Variants in PPFIA1 observed in about 807,000 individuals in gnomAD.
PPFIA1 encodes PPFI scaffold protein A1, also known as liprin-alpha-1.
PPFIA1 carries 25 observed loss-of-function variants against 149.9 expected under a neutral mutation model. The observed-to-expected ratio is 0.17, with a 90% CI of 0.12 to 0.23. The LOEUF (loss-of-function observed/expected upper bound fraction) is 0.23, where lower values mean the gene tolerates loss of function less well. Ranked by LOEUF, PPFIA1 falls within the 10% of genes least tolerant of loss-of-function variation. PPFIA1 has a pLI of 1.00. For missense variants in PPFIA1, 1,362 were observed against 1,506.5 expected, an observed-to-expected ratio of 0.90 and a Z score of 1.59; for synonymous variants, 549 against 552.8, an observed-to-expected ratio of 0.99 and a Z score of 0.10.
At position 70,383,164 on chromosome 11, in the gene PPFIA1, T is replaced by C. The variant is rs1565476215; in HGVS notation, c.*174T>C. ...ATTAGTGAAAAATTCATGAATACCA[T>C]AGAGAAAATATTTTAGAATTTAATG... On this transcript the variant is annotated 3_prime_UTR_variant, in exon 28 of 28. Transcript: ENST00000253925. The C allele has an allele frequency of 2.6e-5, 9 of 348,198 alleles. No homozygotes were observed. Among genetic ancestry groups the C allele is most frequent in the South Asian group, 8.6e-5 (4 of 46,404 alleles). The allele number at this position is 348,198 out of a possible 1,614,324, so 21.6% of individuals were successfully genotyped here.
chr11:70,304,635 C>T (rs968948652), intron 2 of PPFIA1, among the ~76,000 whole-genome samples: 1 of 152,178 alleles, frequency 6.6e-6, no homozygotes. Context: ...TACTTGGCAC[C>T]TGCAAAGGAC....
At chr11:70,354,098 C>T in intron 16 of PPFIA1, 3 of 544,210 alleles carry the variant, frequency 5.5e-6, no homozygotes, top group Non-Finnish European at 6.4e-6. Flanking sequence ...AGCGCACGCT[C>T]GTGGGGAGGC....
intron 11 of PPFIA1, among the ~76,000 whole-genome samples, chr11:70,336,056 G>C (rs573507941): frequency 5.3e-5 from 8 of 152,284 alleles, no homozygotes; most frequent in Admixed American, 2.6e-4. Flanking sequence ...CATAAATAAC[G>C]TGTAAATGAA....
chr11:70,352,179 C>A (rs2056091811), intron 16 of PPFIA1, among the ~76,000 whole-genome samples: 1 of 152,166 alleles, frequency 6.6e-6, no homozygotes, highest in Non-Finnish European at 1.5e-5. Context: ...TTTAGTGAAA[C>A]TGCTTGGGTT....
At position 70,344,604 on chromosome 11, in the gene PPFIA1, A is replaced by T. The variant is rs1322239815; in HGVS notation, c.1931+712A>T. ...GTGTAGTGACGTTTAAAAGTGTAGA[A>T]CGTTTACCTTCTTACTTTGGTCTGT... On this transcript the variant is annotated intron_variant, in intron 15 of 27. Coordinates refer to ENST00000253925, the MANE Select transcript of PPFIA1 (RefSeq NM_003626.5). Among the ~76,000 whole-genome samples the T allele has an allele frequency of 2.6e-5, 4 of 152,152 alleles. No homozygotes were observed. The East Asian group carries it at 7.7e-4, about 29-fold the overall frequency.
At chr11:70,347,814 CA>C (rs199808736) in intron 15 of PPFIA1, among the ~76,000 whole-genome samples, 1,845 of 152,052 alleles carry the variant, frequency 0.012, 17 homozygotes, top group Middle Eastern at 0.044. Context: ...CCAGCCTGGC[CA>C]ACATGGTGAA....
intron 16 of PPFIA1, among the ~76,000 whole-genome samples, chr11:70,352,383 C>T (rs77227760): frequency 0.015 from 2,248 of 152,288 alleles, 52 homozygotes; most frequent in African/African-American, 0.052. Flanking sequence ...GTTCAGCTGA[C>T]TTCTGTTGGA....
chr11:70,298,259 G>A (rs929234223), intron 2 of PPFIA1, among the ~76,000 whole-genome samples: 4 of 152,190 alleles, frequency 2.6e-5, no homozygotes, highest in African/African-American at 9.7e-5. Flanking sequence ...TTGGTTGTGT[G>A]TAGTGGGGTG....
intron 2 of PPFIA1, among the ~76,000 whole-genome samples, chr11:70,281,899 A>G (rs2050780492): frequency 1.3e-5 from 2 of 152,294 alleles, no homozygotes; most frequent in East Asian, 1.9e-4. Context: ...CACCCCGCGT[A>G]TCACTGAAAC....
intron 15 of PPFIA1, among the ~76,000 whole-genome samples, chr11:70,347,932 G>A (rs1413431535): frequency 6.6e-6 from 1 of 152,178 alleles, no homozygotes; most frequent in Non-Finnish European, 1.5e-5. Context: ...GAACCCAGGA[G>A]GCAGAGGTTG....
intron 16 of PPFIA1, among the ~76,000 whole-genome samples, chr11:70,349,436 A>G (rs2055917292): frequency 6.6e-6 from 1 of 152,132 alleles, no homozygotes; most frequent in South Asian, 2.1e-4. Context: ...TAAGAGACCA[A>G]CCTGGGCAAC....
intron 2 of PPFIA1, among the ~76,000 whole-genome samples, chr11:70,295,915 A>C (rs1452984261): frequency 2.0e-5 from 3 of 146,472 alleles, no homozygotes; most frequent in African/African-American, 7.7e-5. Flanking sequence ...GGGTCTCCTC[A>C]CTTCTCAGAC....
intron 5 of PPFIA1, 133 bp from the exon 6 acceptor site, chr11:70,326,129 A>G (rs937895340): frequency 1.0e-5 from 6 of 580,798 alleles, no homozygotes; most frequent in Admixed American, 6.9e-5. Context: ...ATTGGGTAGC[A>G]TTGCCATATG....
At chr11:70,283,455 A>G (rs1170465382) in intron 2 of PPFIA1, among the ~76,000 whole-genome samples, 1 of 152,144 alleles carries the variant, frequency 6.6e-6, no homozygotes, top group African/African-American at 2.4e-5. Context: ...ATTCTAAGGA[A>G]TGAGGTCTTC....
chr11:70,333,513 T>A lies in PPFIA1; in HGVS notation c.1256T>A (p.Met419Lys), dbSNP rs1426569014. ...AACATTGAAGAAAGGTTACGACAGA[T>A]GGAAGCACAGTTGGAGGAGAAGAAT... ...HGNIEERLRQMEAQLEEKNQE... is the reference protein window; with the variant it reads ...HGNIEERLRQKEAQLEEKNQE... The change falls in exon 10 of 28, where the codon ATG becomes AAG. Residue 419 changes from methionine to lysine, a missense_variant. Physicochemically the swap from Met to Lys is moderately conservative, Grantham distance 95. Transcript: ENST00000253925. 1 of 1,613,436 alleles carries A rather than the reference T, an allele frequency of 6.2e-7. No individual in the cohort carries two copies. The highest frequency in any genetic ancestry group is 2.2e-5 in the East Asian group (1 of 44,884).
intron 16 of PPFIA1, among the ~76,000 whole-genome samples, chr11:70,353,784 GTTTA>G (rs2056204432): frequency 6.6e-6 from 1 of 152,092 alleles, no homozygotes; most frequent in Non-Finnish European, 1.5e-5. Flanking sequence ...GCTGTTCCTT[GTTTA>G]TTTTTACCCC....
intron 26 of PPFIA1, among the ~76,000 whole-genome samples, chr11:70,379,661 AT>A (rs995609285): frequency 9.9e-5 from 15 of 151,438 alleles, no homozygotes; most frequent in Non-Finnish European, 4.4e-5. Context: ...GTTTTTGCCA[AT>A]TTTTTTTGTC....
chr11:70,301,384 A>G (rs943840658), intron 2 of PPFIA1, among the ~76,000 whole-genome samples: 2 of 152,172 alleles, frequency 1.3e-5, no homozygotes, highest in African/African-American at 2.4e-5. Flanking sequence ...TCCCCTGAAG[A>G]TAACATCTGC....
intron 16 of PPFIA1, among the ~76,000 whole-genome samples, chr11:70,351,561 A>G (rs771442002): frequency 6.6e-6 from 1 of 152,214 alleles, no homozygotes; most frequent in Non-Finnish European, 1.5e-5. Flanking sequence ...TGAAAATCCA[A>G]AATCTGAAAT....
Sources: allele counts gnomAD v4.1 joint callset (sites outside exome capture counted in the v4.1 genomes callset), GRCh38; gene constraint gnomAD v4.1.1; transcripts MANE v1.5; gene names NCBI Gene and HGNC (gene_info 2026-07-23, HGNC 2026-07-21).